The following VGLL4 variants were observed in gnomAD, a reference collection of about 807,000 sequenced individuals.
VGLL4 encodes the protein transcription cofactor vestigial-like protein 4.
Under a neutral mutation model 21.0 loss-of-function variants are expected in VGLL4, and 7 were observed. That is an observed-to-expected ratio of 0.33 (90% confidence interval 0.19 to 0.63). VGLL4 has a LOEUF of 0.63. Among genes scored for constraint, VGLL4 ranks in the 20% least tolerant of loss-of-function variants. The probability of loss-of-function intolerance (pLI) is 0.78; values close to 1 mark genes in which losing one functional copy is unlikely to be tolerated. For missense variants in VGLL4, 394 were observed against 425.7 expected (o/e 0.93, Z 0.66); for synonymous variants, 222 against 173.2 (o/e 1.28, Z -2.21).
At chr3:11,665,359 A>C (rs940700755) in intron 2 of VGLL4, among the ~76,000 whole-genome samples, 1 of 151,726 alleles carries the variant, frequency 6.6e-6, no homozygotes, top group Non-Finnish European at 1.5e-5. Flanking sequence ...GTGATCCGCC[A>C]GCCTCGGCCT....
At chr3:11,632,048 C>A (rs1364473667) in intron 1 of VGLL4, among the ~76,000 whole-genome samples, 1 of 152,142 alleles carries the variant, frequency 6.6e-6, no homozygotes, top group African/African-American at 2.4e-5. Context: ...CTTGGCCGTG[C>A]GCAGTGGCTC....
At chr3:11,683,043 A>G (rs530639794) in intron 2 of VGLL4, among the ~76,000 whole-genome samples, 47 of 152,250 alleles carry the variant, frequency 3.1e-4, no homozygotes, top group Non-Finnish European at 6.2e-4. Context: ...AATGGCCAAC[A>G]TGGTGAAATG....
At chr3:11,613,261 T>C (rs1419562465) in intron 1 of VGLL4, among the ~76,000 whole-genome samples, 1 of 152,148 alleles carries the variant, frequency 6.6e-6, no homozygotes. Context: ...CCGAAGGTCA[T>C]ATGCTACCAT....
upstream of VGLL4, among the ~76,000 whole-genome samples, chr3:11,646,217 G>C (rs1466649983): frequency 6.6e-6 from 1 of 152,158 alleles, no homozygotes; most frequent in Non-Finnish European, 1.5e-5. Flanking sequence ...GGGGAGGGTT[G>C]AAGAAAACTC....
chr3:11,689,309 C>G (rs1166697713), intron 2 of VGLL4, among the ~76,000 whole-genome samples: 1 of 152,148 alleles, frequency 6.6e-6, no homozygotes, highest in East Asian at 1.9e-4. Flanking sequence ...GACCTCCATG[C>G]CTGTTCCTTT....
chr3:11,674,516 G>A (rs1044928077), intron 2 of VGLL4, among the ~76,000 whole-genome samples: 4 of 152,254 alleles, frequency 2.6e-5, no homozygotes, highest in African/African-American at 9.6e-5. Flanking sequence ...TTAAAGATGG[G>A]GAAAGAGTCA....
intron 2 of VGLL4, among the ~76,000 whole-genome samples, chr3:11,687,496 A>C (rs1675523665): frequency 6.6e-6 from 1 of 151,924 alleles, no homozygotes; most frequent in African/African-American, 2.4e-5. Flanking sequence ...TGTTTAAGAG[A>C]TATGGCTCTT....
intron 3 of VGLL4, among the ~76,000 whole-genome samples, chr3:11,564,412 C>CA (rs1553720511): frequency 6.6e-6 from 1 of 151,690 alleles, no homozygotes; most frequent in Non-Finnish European, 1.5e-5. Flanking sequence ...AGGACCCCCC[C>CA]ACCCGAGGAT....
intron 1 of VGLL4, among the ~76,000 whole-genome samples, chr3:11,612,889 A>T (rs567306830): frequency 6.6e-6 from 1 of 152,370 alleles, no homozygotes; most frequent in Admixed American, 6.5e-5. Flanking sequence ...GAAATTCTGC[A>T]CTATATTTAC....
At chr3:11,622,343 G>T (rs1227316311) in intron 1 of VGLL4, among the ~76,000 whole-genome samples, 1 of 151,814 alleles carries the variant, frequency 6.6e-6, no homozygotes, top group African/African-American at 2.4e-5. Context: ...AAATAACAGT[G>T]ATATTTACCA....
chr3:11,694,002 C>A (rs938113932), intron 2 of VGLL4, among the ~76,000 whole-genome samples: 1 of 152,108 alleles, frequency 6.6e-6, no homozygotes, highest in African/African-American at 2.4e-5. Flanking sequence ...CCGTTCAATT[C>A]TCAGCACTGC....
chr3:11,696,599 C>T (rs1038069769), intron 2 of VGLL4, among the ~76,000 whole-genome samples: 19 of 152,124 alleles, frequency 1.2e-4, no homozygotes, highest in African/African-American at 3.4e-4. Flanking sequence ...TTCAAACTGT[C>T]GGTTCCAATG....
intron 2 of VGLL4, among the ~76,000 whole-genome samples, chr3:11,591,950 T>C (rs4398412): frequency 0.79 from 120,196 of 151,992 alleles, 48,107 homozygotes; most frequent in Non-Finnish European, 0.86. Context: ...CATTAGTAAT[T>C]TAGGACAACT....
chr3:11,691,461 GC>G (rs1430583907), intron 2 of VGLL4, among the ~76,000 whole-genome samples: 6 of 152,030 alleles, frequency 3.9e-5, no homozygotes, highest in Non-Finnish European at 8.8e-5. Context: ...AAAAGCAAAA[GC>G]CCCTGATCTG....
intron 2 of VGLL4, among the ~76,000 whole-genome samples, chr3:11,576,109 G>C (rs544105212): frequency 1.2e-4 from 19 of 152,346 alleles, no homozygotes; most frequent in African/African-American, 4.1e-4. Context: ...CTGAGAACAT[G>C]ACCGGTAAAG....
At chr3:11,678,240 G>A (rs1354238037) in intron 2 of VGLL4, among the ~76,000 whole-genome samples, 1 of 152,108 alleles carries the variant, frequency 6.6e-6, no homozygotes, top group East Asian at 1.9e-4. Context: ...ATTTTTAGTA[G>A]AGATGAGGTT....
intron 2 of VGLL4, among the ~76,000 whole-genome samples, chr3:11,566,343 G>A (rs555479765): frequency 3.1e-4 from 47 of 152,286 alleles, no homozygotes; most frequent in Non-Finnish European, 1.5e-4. Flanking sequence ...TCCCGCGATG[G>A]TGACATCTTG....
chr3:11,640,667 G>A (rs960683462), intron 1 of VGLL4, among the ~76,000 whole-genome samples: 18 of 152,154 alleles, frequency 1.2e-4, no homozygotes, highest in Non-Finnish European at 8.8e-5. Context: ...TATTCTTGCA[G>A]ACAACTATGG....
chr3:11,585,079 A>G (rs1439482856), intron 2 of VGLL4, among the ~76,000 whole-genome samples: 1 of 152,220 alleles, frequency 6.6e-6, no homozygotes, highest in East Asian at 1.9e-4. Context: ...TACATCAAAT[A>G]TGCTGCTAAA....
Sources: gnomAD v4.1 joint callset for allele counts (sites outside exome capture counted in the v4.1 genomes callset) on GRCh38, gnomAD v4.1.1 for gene constraint, MANE v1.5 for transcripts, NCBI Gene and HGNC (gene_info 2026-07-23, HGNC 2026-07-21) for gene names.